DOK5: variants seen among roughly 807,000 people sequenced by gnomAD.
DOK5 encodes downstream of tyrosine kinase 5.
A neutral mutation model predicts 43.3 loss-of-function variants in DOK5; 27 were observed. The observed-to-expected ratio is 0.62, with a 90% confidence interval of 0.46 to 0.86. The LOEUF is 0.86. DOK5 is among the 40% of genes least tolerant of loss of function. DOK5 has a pLI of 0.00. For missense variants in DOK5, 373 were observed against 392.9 expected (o/e 0.95, Z 0.43); for synonymous variants, 146 against 140.1 (o/e 1.04, Z -0.30).
At chr20:54,625,309 T>TG (rs1270422865) in intron 6 of DOK5, among the ~76,000 whole-genome samples, 5 of 152,160 alleles carry the variant, frequency 3.3e-5, no homozygotes, top group Non-Finnish European at 7.4e-5. Context: ...CCTGGGACAG[T>TG]GGGGGTCCAA....
intron 2 of DOK5, among the ~76,000 whole-genome samples, chr20:54,561,107 A>G (rs1013224684): frequency 5.9e-5 from 9 of 152,286 alleles, no homozygotes; most frequent in South Asian, 2.1e-4. Flanking sequence ...TTCGTGGTCC[A>G]TGTGGCAAAC....
intron 5 of DOK5, among the ~76,000 whole-genome samples, chr20:54,598,475 A>T (rs1457648138): frequency 2.0e-5 from 3 of 152,136 alleles, no homozygotes; most frequent in African/African-American, 4.8e-5. Flanking sequence ...TTGCAATGTG[A>T]TTGTGTAGAG....
intron 6 of DOK5, among the ~76,000 whole-genome samples, chr20:54,633,244 A>G (rs1978654165): frequency 6.6e-6 from 1 of 152,110 alleles, no homozygotes; most frequent in Non-Finnish European, 1.5e-5. Flanking sequence ...GCATAGGGAG[A>G]TCATGTTTTC....
intron 1 of DOK5, among the ~76,000 whole-genome samples, chr20:54,547,377 A>C (rs1429096562): frequency 6.6e-6 from 1 of 152,152 alleles, no homozygotes; most frequent in African/African-American, 2.4e-5. Flanking sequence ...TGTGACCAAA[A>C]TTTGCTATTT....
chr20:54,476,158 G>C, intron 1 of DOK5, 146 bp downstream of exon 1: 4 of 1,518,158 alleles, frequency 2.6e-6, no homozygotes, highest in Non-Finnish European at 3.5e-6. Context: ...CGCGTCTCCG[G>C]GGCTGTCACT....
At chr20:54,603,717 G>T (rs893127099) in intron 5 of DOK5, among the ~76,000 whole-genome samples, 9 of 152,084 alleles carry the variant, frequency 5.9e-5, no homozygotes, top group Non-Finnish European at 1.0e-4. Flanking sequence ...CCACGTCAGT[G>T]TTGCTGACTT....
intron 5 of DOK5, among the ~76,000 whole-genome samples, chr20:54,598,148 T>TCTC (rs1302448540): frequency 6.6e-6 from 1 of 152,194 alleles, no homozygotes; most frequent in Non-Finnish European, 1.5e-5. Flanking sequence ...TTTTTCTCCT[T>TCTC]CTCCTCCTGG....
At chr20:54,538,246 A>C (rs566602253) in intron 1 of DOK5, among the ~76,000 whole-genome samples, 25 of 151,632 alleles carry the variant, frequency 1.6e-4, no homozygotes, top group African/African-American at 6.1e-4. Context: ...CCAAGAACCT[A>C]TTGATATTAA....
chr20:54,558,385 C>A (rs1984784928), intron 2 of DOK5, among the ~76,000 whole-genome samples: 1 of 152,146 alleles, frequency 6.6e-6, no homozygotes, highest in African/African-American at 2.4e-5. Context: ...CTATAATAAT[C>A]ATTAACCAAA....
At chr20:54,511,431 A>C (rs955400394) in intron 1 of DOK5, among the ~76,000 whole-genome samples, 14 of 152,362 alleles carry the variant, frequency 9.2e-5, no homozygotes, top group African/African-American at 3.1e-4. Flanking sequence ...AAGATGAACC[A>C]AAGAAAGTAA....
intron 2 of DOK5, 88 bp downstream of exon 2, chr20:54,555,128 A>C: frequency 1.2e-6 from 1 of 839,222 alleles, no homozygotes; most frequent in South Asian, 1.5e-5. Context: ...GAATTATTTA[A>C]CAAAGGTACA....
Position 54,475,898 on chromosome 20 carries a change from A to C in DOK5, c.-49A>C. On this transcript the variant is annotated 5_prime_UTR_variant, in exon 1 of 8. Transcript: ENST00000262593. The surrounding 1 kb of genome is among the most constrained non-coding windows in gnomAD (Gnocchi z 4.2). ...CCTGCCCTCCACCCTCCCCAGAGCC[A>C]CTTCGGGTGCGCGCTCTTGGGTAAA... 1 of 1,605,630 alleles carries C rather than the reference A, an allele frequency of 6.2e-7. No homozygotes were observed. Among genetic ancestry groups the C allele is most frequent in the Non-Finnish European group, 8.5e-7 (1 of 1,176,284 alleles).
At chr20:54,511,058 G>T (rs1418186427) in intron 1 of DOK5, among the ~76,000 whole-genome samples, 1 of 152,142 alleles carries the variant, frequency 6.6e-6, no homozygotes, top group East Asian at 1.9e-4. Context: ...ACACTTTCAT[G>T]TGCTTTTATT....
At chr20:54,611,320 A>C (rs1986643178) in intron 6 of DOK5, among the ~76,000 whole-genome samples, 1 of 152,146 alleles carries the variant, frequency 6.6e-6, no homozygotes, top group Non-Finnish European at 1.5e-5. Flanking sequence ...CAGAACTGTA[A>C]TCAGGCTGAG....
At chr20:54,513,476 A>AC (rs1395401411) in intron 1 of DOK5, among the ~76,000 whole-genome samples, 1 of 150,744 alleles carries the variant, frequency 6.6e-6, no homozygotes, top group African/African-American at 2.4e-5. Context: ...AAAAAAAAAA[A>AC]AAAAAAAAAA....
chr20:54,574,376 G>A (rs1175717700), intron 2 of DOK5, among the ~76,000 whole-genome samples: 1 of 152,048 alleles, frequency 6.6e-6, no homozygotes, highest in Admixed American at 6.6e-5. Context: ...AGAGACTGAC[G>A]ATGATGTGAC....
At chr20:54,517,214 A>G (rs756357105) in intron 1 of DOK5, among the ~76,000 whole-genome samples, 61 of 152,200 alleles carry the variant, frequency 4.0e-4, no homozygotes, top group Admixed American at 1.4e-3. Context: ...GCCAAGATTT[A>G]TCAGCAATTG....
At chr20:54,479,646 C>T (rs954818238) in intron 1 of DOK5, among the ~76,000 whole-genome samples, 4 of 152,104 alleles carry the variant, frequency 2.6e-5, no homozygotes, top group Non-Finnish European at 4.4e-5. Context: ...ACGCACAATC[C>T]CTCAGTTACT....
chr20:54,560,035 C>T (rs1334981102), intron 2 of DOK5, among the ~76,000 whole-genome samples: 2 of 152,120 alleles, frequency 1.3e-5, no homozygotes, highest in Admixed American at 6.5e-5. Flanking sequence ...CCTTGTTCTT[C>T]GTTTCTGCAA....
Sources: allele counts gnomAD v4.1 joint callset (sites outside exome capture counted in the v4.1 genomes callset), GRCh38; gene constraint gnomAD v4.1.1; non-coding constraint Gnocchi (gnomAD v3.1); transcripts MANE v1.5; gene names NCBI Gene and HGNC (gene_info 2026-07-23, HGNC 2026-07-21).